The following CA10 variants were observed in gnomAD, a reference collection of about 807,000 sequenced individuals.
CA10 encodes the protein carbonic anhydrase-related protein 10.
Under a neutral mutation model 44.2 loss-of-function variants are expected in CA10, and 14 were observed. That is an observed-to-expected ratio of 0.32 (90% confidence interval 0.21 to 0.50). CA10 has a LOEUF of 0.50. CA10 is among the 20% of genes least tolerant of loss of function. The pLI, the probability that CA10 is intolerant of heterozygous loss-of-function variation, is 0.99. For synonymous variants in CA10, 159 were observed against 141.6 expected (o/e 1.12, Z -0.87); for missense variants, 350 against 409.7 (o/e 0.85, Z 1.26).
At chr17:52,072,113 G>T (rs1018165124) in intron 2 of CA10, among the ~76,000 whole-genome samples, 1 of 152,166 alleles carries the variant, frequency 6.6e-6, no homozygotes, top group African/African-American at 2.4e-5. Flanking sequence ...GCATCCTATA[G>T]ATTGAAGGAC....
intron 3 of CA10, among the ~76,000 whole-genome samples, chr17:51,929,524 C>A (rs924653675): frequency 2.0e-5 from 3 of 152,116 alleles, no homozygotes; most frequent in Admixed American, 6.6e-5. Flanking sequence ...AGGCACCAAA[C>A]CCCATTCTGT....
At chr17:51,837,078 CAA>C (rs1491200495) in intron 3 of CA10, among the ~76,000 whole-genome samples, 2 of 87,576 alleles carry the variant, frequency 2.3e-5, no homozygotes, top group Admixed American at 1.3e-4. Flanking sequence ...TGAGTTCAGA[CAA>C]CACACACACA....
At chr17:51,866,682 G>A (rs780933547) in intron 3 of CA10, among the ~76,000 whole-genome samples, 2 of 152,120 alleles carry the variant, frequency 1.3e-5, no homozygotes, top group African/African-American at 2.4e-5. Context: ...AGGTGACAGG[G>A]CTTCCTTACC....
intron 1 of CA10, among the ~76,000 whole-genome samples, chr17:52,106,851 G>T (rs886464283): frequency 1.3e-5 from 2 of 152,188 alleles, no homozygotes; most frequent in African/African-American, 2.4e-5. Flanking sequence ...CTGGCCACAT[G>T]CTGGAGTACA....
chr17:51,756,104 A>G (rs1045906517), intron 3 of CA10, among the ~76,000 whole-genome samples: 1 of 152,084 alleles, frequency 6.6e-6, no homozygotes, highest in Admixed American at 6.6e-5. Flanking sequence ...GCTTGAATCA[A>G]CAGATTTTCT....
chr17:51,805,558 G>T (rs1316973149), intron 3 of CA10, among the ~76,000 whole-genome samples: 1 of 152,118 alleles, frequency 6.6e-6, no homozygotes, highest in Non-Finnish European at 1.5e-5. Context: ...TGGGAATGAG[G>T]TCCAAGTTCT....
Position 52,014,134 on chromosome 17 carries a change from TA to T in CA10, c.136+58184del, listed in dbSNP as rs143307188. Among the ~76,000 whole-genome samples, 1,156 of 151,324 alleles carry T rather than the reference TA, an allele frequency of 7.6e-3. 12 individuals carry two copies. Among genetic ancestry groups the T allele is most frequent in the African/African-American group, 0.026 (1,098 of 41,470 alleles). On this transcript the variant is annotated intron_variant, in intron 2 of 8. Coordinates refer to ENST00000451037, the MANE Select transcript of CA10 (RefSeq NM_020178.5). ...ATCAGGTACCATTTAAAAATAACCT[TA>T]TAATGAAAAATTATAAATTCATATG...
chr17:52,039,320 A>G (rs868824592), intron 2 of CA10, among the ~76,000 whole-genome samples: 1 of 152,138 alleles, frequency 6.6e-6, no homozygotes, highest in Middle Eastern at 3.2e-3. Context: ...AAATACTTCC[A>G]TTCCACACAG....
At chr17:51,984,497 T>C (rs1172214562) in intron 2 of CA10, among the ~76,000 whole-genome samples, 1 of 151,346 alleles carries the variant, frequency 6.6e-6, no homozygotes, top group East Asian at 1.9e-4. Context: ...AAAAAAGGAA[T>C]AACCAAGATC....
At chr17:51,836,187 A>C (rs1598072049) in intron 3 of CA10, among the ~76,000 whole-genome samples, 1 of 152,208 alleles carries the variant, frequency 6.6e-6, no homozygotes, top group Non-Finnish European at 1.5e-5. Context: ...CACAAATAGG[A>C]CTACAACAGT....
intron 2 of CA10, among the ~76,000 whole-genome samples, chr17:52,053,304 C>T (rs1987130241): frequency 6.6e-6 from 1 of 151,986 alleles, no homozygotes; most frequent in Non-Finnish European, 1.5e-5. Flanking sequence ...ACCAACTGAG[C>T]TCTTTGTTTA....
intron 3 of CA10, among the ~76,000 whole-genome samples, chr17:51,824,200 A>G (rs1312972030): frequency 1.3e-5 from 2 of 152,180 alleles, no homozygotes; most frequent in African/African-American, 4.8e-5. Context: ...TGAGAAATAA[A>G]CCAAACGTTT....
chr17:51,870,272 C>T (rs1340947454), intron 3 of CA10, among the ~76,000 whole-genome samples: 1 of 152,220 alleles, frequency 6.6e-6, no homozygotes, highest in Non-Finnish European at 1.5e-5. Flanking sequence ...AGAGCTTTTC[C>T]TGAGCCATAG....
chr17:52,110,782 A>C (rs1362059568), intron 1 of CA10, among the ~76,000 whole-genome samples: 1 of 152,152 alleles, frequency 6.6e-6, no homozygotes, highest in African/African-American at 2.4e-5. Flanking sequence ...TACTGGCTAT[A>C]GGCTGCCTTC....
At chr17:52,039,263 T>C (rs1256688322) in intron 2 of CA10, among the ~76,000 whole-genome samples, 1 of 151,518 alleles carries the variant, frequency 6.6e-6, no homozygotes, top group Non-Finnish European at 1.5e-5. Context: ...CTTTTTCCTC[T>C]AAATATTAGA....
intron 2 of CA10, among the ~76,000 whole-genome samples, chr17:52,021,679 G>A (rs1194935752): frequency 2.0e-5 from 3 of 151,898 alleles, no homozygotes; most frequent in Non-Finnish European, 4.4e-5. Flanking sequence ...AGGAAAAAAG[G>A]GAGAAGATTC....
At chr17:51,860,328 C>T (rs1400377240) in intron 3 of CA10, among the ~76,000 whole-genome samples, 1 of 152,184 alleles carries the variant, frequency 6.6e-6, no homozygotes, top group South Asian at 2.1e-4. Flanking sequence ...ATTCTCTTTG[C>T]CTCATAAGTC....
chr17:51,918,299 T>C (rs1982084914), intron 3 of CA10, among the ~76,000 whole-genome samples: 1 of 152,182 alleles, frequency 6.6e-6, no homozygotes, highest in Non-Finnish European at 1.5e-5. Context: ...GAGTGGCTTT[T>C]CCTTAACTTA....
Position 51,897,999 on chromosome 17 carries a change from T to C in CA10, c.279+32991A>G, listed in dbSNP as rs75273031. 6.9e-3 allele frequency among the ~76,000 whole-genome samples: 1,049 copies of C among 152,286 alleles called. 15 individuals carry two copies. Among genetic ancestry groups the C allele is most frequent in the African/African-American group, 0.023 (973 of 41,576 alleles). ...ATGGGGTTTTCTAGGTATAGAATCA[T>C]ATTGTCTGCAAACAGAGATAGTTGG... On this transcript the variant is annotated intron_variant, in intron 3 of 8. Coordinates refer to ENST00000451037, the MANE Select transcript of CA10 (RefSeq NM_020178.5).
Sources: allele counts gnomAD v4.1 joint callset (sites outside exome capture counted in the v4.1 genomes callset), GRCh38; gene constraint gnomAD v4.1.1; transcripts MANE v1.5; gene names NCBI Gene and HGNC (gene_info 2026-07-23, HGNC 2026-07-21).